POF1B: variants seen among roughly 807,000 people sequenced by gnomAD.
POF1B encodes the protein POF1B actin binding protein, also known as protein POF1B.
A neutral mutation model predicts 55.3 loss-of-function variants in POF1B; 53 were observed. The ratio of observed to expected loss-of-function variants is 0.96; its 90% CI spans 0.77 to 1.20. The LOEUF is 1.20. Ranked by LOEUF, POF1B falls within the 50% of genes most tolerant of loss-of-function variation. The pLI, the probability that POF1B is intolerant of heterozygous loss-of-function variation, is 0.00. For missense variants in POF1B, 478 were observed against 420.5 expected (o/e 1.14, Z -1.20); for synonymous variants, 188 against 148.3 (o/e 1.27, Z -1.95).
chrX:85,330,389 T>C (rs187151421), intron 7 of POF1B, among the ~76,000 whole-genome samples: 23 of 111,687 alleles, frequency 2.1e-4, no homozygotes, highest in African/African-American at 6.8e-4. Flanking sequence ...CTGGCCTACA[T>C]ATGTTGAAAT....
chrX:85,294,390 T>C (rs191098645), intron 15 of POF1B, among the ~76,000 whole-genome samples: 7 of 112,074 alleles, frequency 6.2e-5, no homozygotes, highest in African/African-American at 2.3e-4. Flanking sequence ...GTATGTTTCT[T>C]TGATGCCTAG....
intron 2 of POF1B, among the ~76,000 whole-genome samples, chrX:85,369,720 T>C (rs899824061): frequency 1.8e-5 from 2 of 112,020 alleles, no homozygotes; most frequent in Non-Finnish European, 3.8e-5. Context: ...AGCATCCTTG[T>C]GCAACATGTT....
Position 85,304,265 on chromosome X carries a change from C to T in POF1B, c.1566+78G>A. On this transcript the variant is annotated intron_variant, in intron 14 of 16. Coordinates refer to ENST00000262753, the MANE Select transcript of POF1B (RefSeq NM_024921.4). ...CTTGGATATGTGTCCTTTTCTAGTC[C>T]ATGGGAAGTATTTATCCTACAGTAC... The T allele has an allele frequency of 5.4e-6, 5 of 929,832 alleles. No individual in the cohort carries two copies. In the Admixed American group the frequency reaches 2.1e-4, roughly 39 times the overall value. 76.6% of individuals were successfully genotyped at this position (929,832 alleles called of 1,213,427 possible). A position where few individuals can be genotyped will look rare whatever the true frequency, so the allele number is the denominator to read the frequency against.
At chrX:85,317,255 T>C (rs1425500829) in intron 7 of POF1B, among the ~76,000 whole-genome samples, 1 of 108,850 alleles carries the variant, frequency 9.2e-6, no homozygotes, top group African/African-American at 3.3e-5. Flanking sequence ...AGTTTGGCAA[T>C]TAGTCCAAGA....
intron 15 of POF1B, among the ~76,000 whole-genome samples, chrX:85,287,536 C>G (rs1237833135): frequency 9.0e-6 from 1 of 111,540 alleles, no homozygotes; most frequent in Non-Finnish European, 1.9e-5. Context: ...CAAAAACTCA[C>G]TCAAGAAGCA....
intron 4 of POF1B, among the ~76,000 whole-genome samples, chrX:85,352,746 A>G (rs1933413786): frequency 9.0e-6 from 1 of 111,550 alleles, no homozygotes. Context: ...TGCTATGCAC[A>G]GTGTACTTTG....
chrX:85,371,167 T>C (rs1355844864), intron 2 of POF1B, among the ~76,000 whole-genome samples: 1 of 111,746 alleles, frequency 8.9e-6, no homozygotes, highest in Non-Finnish European at 1.9e-5. Context: ...TGAGATTTGT[T>C]TCCTCATGTG....
intron 7 of POF1B, among the ~76,000 whole-genome samples, chrX:85,330,679 G>A (rs1030938484): frequency 9.0e-6 from 1 of 111,223 alleles, no homozygotes; most frequent in Admixed American, 9.6e-5. Context: ...TACCTGGGGG[G>A]AGGGAGGAGG....
In POF1B at chrX:85,279,376, A is replaced by G; in HGVS notation, c.*45T>C. 1.2e-6 allele frequency: 1 copy of G among 864,035 alleles called. No individual in the cohort carries two copies. Among genetic ancestry groups the G allele is most frequent in the Non-Finnish European group, 1.6e-6 (1 of 633,948 alleles). The allele number at this position is 864,035 out of a possible 1,213,427, so 71.2% of individuals were successfully genotyped here. On this transcript the variant is annotated 3_prime_UTR_variant, in exon 17 of 17. Coordinates refer to ENST00000262753, the MANE Select transcript of POF1B (RefSeq NM_024921.4). ...AGTACTAATGCAGAGACACACACAC[A>G]AAAAAAAAACGGCTTTGAGTTGTAA...
chrX:85,314,576 T>C, intron 8 of POF1B, 70 bp from the exon 9 acceptor site: 2 of 735,172 alleles, frequency 2.7e-6, no homozygotes, highest in Non-Finnish European at 1.9e-6. Context: ...CCACAGACTT[T>C]TGTGTAATGG....
chrX:85,351,773 G>A (rs1308718461), intron 4 of POF1B, among the ~76,000 whole-genome samples: 1 of 110,881 alleles, frequency 9.0e-6, no homozygotes, highest in Non-Finnish European at 1.9e-5. Flanking sequence ...TTTGAGGTAG[G>A]CAAGCATGAG....
intron 9 of POF1B, among the ~76,000 whole-genome samples, chrX:85,313,941 G>T (rs1932759484): frequency 9.0e-6 from 1 of 110,708 alleles, no homozygotes; most frequent in Admixed American, 9.7e-5. Flanking sequence ...TATGTTTCTA[G>T]GAGTTTTTCC....
intron 14 of POF1B, among the ~76,000 whole-genome samples, chrX:85,303,993 C>A (rs1172359441): frequency 9.1e-6 from 1 of 110,466 alleles, no homozygotes; most frequent in African/African-American, 3.3e-5. Context: ...GGGCTACATG[C>A]TACAGATACA....
chrX:85,356,594 A>G (rs948817965), intron 4 of POF1B, among the ~76,000 whole-genome samples: 9 of 111,413 alleles, frequency 8.1e-5, no homozygotes, highest in Non-Finnish European at 1.3e-4. Context: ...ACTTTCCCCA[A>G]ATCTGTAAGG....
intron 7 of POF1B, among the ~76,000 whole-genome samples, chrX:85,322,691 C>T (rs1256517005): frequency 9.0e-6 from 1 of 111,377 alleles, no homozygotes; most frequent in Admixed American, 9.6e-5. Flanking sequence ...TTGCAATCTA[C>T]TCATCTGACA....
chrX:85,294,667 A>C (rs1485259555), intron 15 of POF1B, among the ~76,000 whole-genome samples: 1 of 111,279 alleles, frequency 9.0e-6, no homozygotes, highest in Admixed American at 9.6e-5. Flanking sequence ...GGTTATTGGC[A>C]CGAAATTTTC....
intron 7 of POF1B, among the ~76,000 whole-genome samples, chrX:85,330,620 T>C (rs1285767943): frequency 9.0e-6 from 1 of 111,211 alleles, no homozygotes; most frequent in African/African-American, 3.3e-5. Context: ...ATGATTTTCA[T>C]AATCTACATT....
chrX:85,369,704 G>A (rs778522482), intron 2 of POF1B, among the ~76,000 whole-genome samples: 197 of 111,689 alleles, frequency 1.8e-3, no homozygotes, highest in African/African-American at 6.2e-3. Context: ...CCACTGTGCT[G>A]CAATGAGCAT....
At chrX:85,376,604 C>T (rs894237230) in intron 2 of POF1B, among the ~76,000 whole-genome samples, 1 of 111,075 alleles carries the variant, frequency 9.0e-6, no homozygotes, top group African/African-American at 3.3e-5. Flanking sequence ...AACCAAAAAA[C>T]ATAAAATATA....
Sources: gnomAD v4.1 joint callset for allele counts (sites outside exome capture counted in the v4.1 genomes callset) on GRCh38, gnomAD v4.1.1 for gene constraint, MANE v1.5 for transcripts, NCBI Gene and HGNC (gene_info 2026-07-23, HGNC 2026-07-21) for gene names.